RBMS1: variants seen among roughly 807,000 people sequenced by gnomAD.
RBMS1 encodes RNA-binding motif, single-stranded-interacting protein 1.
A neutral mutation model predicts 62.3 loss-of-function variants in RBMS1; 17 were observed. The ratio of observed to expected loss-of-function variants is 0.27; its 90% CI spans 0.19 to 0.41. RBMS1 has a LOEUF of 0.41. Ranked by LOEUF, RBMS1 falls within the 10% of genes least tolerant of loss-of-function variation. The pLI, the probability that RBMS1 is intolerant of heterozygous loss-of-function variation, is 1.00. For missense variants in RBMS1, 334 were observed against 504.5 expected (o/e 0.66, Z 3.24); for synonymous variants, 172 against 170.0 (o/e 1.01, Z -0.09).
chr2:160,491,474 C>G (rs982851885), intron 1 of RBMS1, among the ~76,000 whole-genome samples: 5 of 152,234 alleles, frequency 3.3e-5, no homozygotes, highest in African/African-American at 1.2e-4. Flanking sequence ...AGAGCAGGCT[C>G]TTGCCGTTTG....
chr2:160,314,300 C>A (rs1225340987), intron 3 of RBMS1, among the ~76,000 whole-genome samples: 1 of 152,064 alleles, frequency 6.6e-6, no homozygotes, highest in Non-Finnish European at 1.5e-5. Flanking sequence ...ATTTAGTAGA[C>A]TAACGAAACG....
At chr2:160,399,508 G>A (rs1388777729) in intron 1 of RBMS1, among the ~76,000 whole-genome samples, 6 of 136,478 alleles carry the variant, frequency 4.4e-5, no homozygotes, top group East Asian at 4.6e-4. Context: ...AGTTTACTTC[G>A]CAAAGATTCC....
chr2:160,389,562 G>C (rs968752535), intron 1 of RBMS1, among the ~76,000 whole-genome samples: 1 of 151,878 alleles, frequency 6.6e-6, no homozygotes, highest in Admixed American at 6.6e-5. Flanking sequence ...GCCAGGCGGG[G>C]TGGCGCACAC....
Position 160,493,572 on chromosome 2 carries a change from T to TTCCTCCTCC in RBMS1, c.-218_-210dup. ...CCTCCTCCTCCTCCTCCTCCTCCTCTTCCTCCTCCTCCTCCTCCTCCCAGG... is the reference window on the plus strand; with the variant it reads ...CCTCCTCCTCCTCCTCCTCCTCCTCTTCCTCCTCCTCCTCCTCCTCCTCCTCCTCCCAGG... On this transcript the variant is annotated 5_prime_UTR_variant, in exon 1 of 14. Coordinates refer to ENST00000348849, the MANE Select transcript of RBMS1 (RefSeq NM_016836.4). The TTCCTCCTCC allele has an allele frequency of 9.5e-6, 4 of 422,306 alleles. No individual in the cohort carries two copies. Among genetic ancestry groups the TTCCTCCTCC allele is most frequent in the Non-Finnish European group, 1.7e-5 (4 of 238,660 alleles). 26.2% of individuals were successfully genotyped at this position (422,306 alleles called of 1,614,324 possible). A position where few individuals can be genotyped will look rare whatever the true frequency, so the allele number is the denominator to read the frequency against.
intron 1 of RBMS1, among the ~76,000 whole-genome samples, chr2:160,451,272 G>A (rs1448390715): frequency 6.6e-6 from 1 of 152,064 alleles, no homozygotes; most frequent in Non-Finnish European, 1.5e-5. Flanking sequence ...TTATCTGCTT[G>A]TGTTAAACCA....
intron 1 of RBMS1, among the ~76,000 whole-genome samples, chr2:160,442,190 T>C (rs1683436362): frequency 6.6e-6 from 1 of 152,254 alleles, no homozygotes; most frequent in South Asian, 2.1e-4. Flanking sequence ...TTATGATCTG[T>C]GCTTTTTATG....
At chr2:160,372,215 T>C (rs2105168967) in intron 1 of RBMS1, among the ~76,000 whole-genome samples, 1 of 150,788 alleles carries the variant, frequency 6.6e-6, no homozygotes. Flanking sequence ...ACTTCTCTAA[T>C]AATTCTAGTA....
chr2:160,488,362 G>C (rs984909605), intron 1 of RBMS1, among the ~76,000 whole-genome samples: 2 of 152,154 alleles, frequency 1.3e-5, no homozygotes, highest in Non-Finnish European at 1.5e-5. Context: ...CGGATCACGA[G>C]GTCCGGAGTT....
At chr2:160,384,807 G>C (rs1396138932) in intron 1 of RBMS1, among the ~76,000 whole-genome samples, 1 of 152,152 alleles carries the variant, frequency 6.6e-6, no homozygotes, top group African/African-American at 2.4e-5. Context: ...TGTCTGATAT[G>C]GTTTAGATTT....
At chr2:160,376,041 T>A (rs1439317946) in intron 1 of RBMS1, among the ~76,000 whole-genome samples, 6 of 152,220 alleles carry the variant, frequency 3.9e-5, no homozygotes, top group Non-Finnish European at 8.8e-5. Flanking sequence ...TCCCAGCTGT[T>A]TTTTAAAGTC....
chr2:160,485,112 GATTTT>G (rs1685544530), intron 1 of RBMS1, among the ~76,000 whole-genome samples: 1 of 152,098 alleles, frequency 6.6e-6, no homozygotes, highest in South Asian at 2.1e-4. Flanking sequence ...AAAAGGAAAA[GATTTT>G]ATTTTAATTA....
intron 7 of RBMS1, among the ~76,000 whole-genome samples, chr2:160,285,927 C>T (rs373284053): frequency 3.3e-5 from 5 of 151,450 alleles, no homozygotes; most frequent in African/African-American, 7.3e-5. Flanking sequence ...CCGACTAACA[C>T]GGTGAAACCC....
chr2:160,301,054 A>G (rs1689182978), intron 5 of RBMS1, among the ~76,000 whole-genome samples: 2 of 152,360 alleles, frequency 1.3e-5, no homozygotes, highest in African/African-American at 2.4e-5. Flanking sequence ...TTTGTTAGCC[A>G]TAATAGTGAA....
Position 160,318,221 on chromosome 2 carries a change from C to T in RBMS1, c.258G>A (p.Gly86=). The T allele has an allele frequency of 7.5e-7, 1 of 1,339,482 alleles. No individual in the cohort carries two copies. Among genetic ancestry groups the T allele is most frequent in the East Asian group, 2.7e-5 (1 of 37,082 alleles). The allele number at this position is 1,339,482 out of a possible 1,614,324, so 83.0% of individuals were successfully genotyped here. A position where few individuals can be genotyped will look rare whatever the true frequency, so the allele number is the denominator to read the frequency against. The change falls in exon 3 of 14, where the codon GGG becomes GGA. Residue 86 remains glycine (G), a synonymous_variant. Transcript: ENST00000348849. The stretch of plus-strand genomic sequence containing the variant: ...AAATTGCCTTTGTGGAGACTATTTT[C>T]CCATATCTAAAAAAAAAAAAAAAAA... ...QDLVKLCQPY[G]KIVSTKAILD... is the part of the protein sequence containing the mutation.
At chr2:160,405,446 C>G (rs1383446651) in intron 1 of RBMS1, among the ~76,000 whole-genome samples, 1 of 152,136 alleles carries the variant, frequency 6.6e-6, no homozygotes, top group Non-Finnish European at 1.5e-5. Flanking sequence ...ATTAGACTTC[C>G]CATTTAGGCT....
chr2:160,412,124 T>TG (rs1441527950), intron 1 of RBMS1, among the ~76,000 whole-genome samples: 3 of 152,004 alleles, frequency 2.0e-5, no homozygotes, highest in African/African-American at 7.3e-5. Context: ...AGCCAGGAGG[T>TG]GTATACCAAC....
At chr2:160,291,009 T>A (rs1193473719) in intron 6 of RBMS1, among the ~76,000 whole-genome samples, 1 of 152,192 alleles carries the variant, frequency 6.6e-6, no homozygotes, top group Non-Finnish European at 1.5e-5. Context: ...TGTGCTCCAA[T>A]GTCTTTCTTT....
intron 2 of RBMS1, among the ~76,000 whole-genome samples, chr2:160,364,193 A>G (rs1693277535): frequency 6.6e-6 from 1 of 152,196 alleles, no homozygotes; most frequent in Non-Finnish European, 1.5e-5. Context: ...TAGTAGATGA[A>G]TCCTTTTGGC....
chr2:160,324,260 T>G (rs200347497), intron 2 of RBMS1, among the ~76,000 whole-genome samples: 1 of 142,982 alleles, frequency 7.0e-6, no homozygotes, highest in Non-Finnish European at 1.6e-5. Flanking sequence ...TGCGTGCGCG[T>G]GCACACACAC....
Sources: allele counts gnomAD v4.1 joint callset (sites outside exome capture counted in the v4.1 genomes callset), GRCh38; gene constraint gnomAD v4.1.1; transcripts MANE v1.5; gene names NCBI Gene and HGNC (gene_info 2026-07-23, HGNC 2026-07-21).